PRR16: variants seen among roughly 807,000 people sequenced by gnomAD.
The protein encoded by PRR16 is protein Largen.
In PRR16, 6 loss-of-function variants were observed where a neutral mutation model predicts 18.2. The observed-to-expected ratio is 0.33, with a 90% confidence interval of 0.18 to 0.65. The LOEUF (loss-of-function observed/expected upper bound fraction) is 0.65. PRR16 is among the 30% of genes least tolerant of loss of function. The probability of loss-of-function intolerance (pLI) is 0.74; values close to 1 mark genes in which losing one functional copy is unlikely to be tolerated. For missense variants in PRR16, 412 were observed against 376.6 expected (o/e 1.09, Z -0.78); for synonymous variants, 151 against 147.8 (o/e 1.02, Z -0.16).
chr5:120,679,021 T>C (rs1168462476), intron 1 of PRR16, among the ~76,000 whole-genome samples: 1 of 152,188 alleles, frequency 6.6e-6, no homozygotes, highest in African/African-American at 2.4e-5. Context: ...TATTGAAATA[T>C]TGAAAATATT....
the PRR16 span, among the ~76,000 whole-genome samples, chr5:120,709,990 C>T: frequency 6.6e-6 from 1 of 152,002 alleles, no homozygotes; most frequent in Admixed American, 6.6e-5. Flanking sequence ...GATATATAAC[C>T]ACCAGTGAGA....
the PRR16 span, among the ~76,000 whole-genome samples, chr5:120,730,217 T>C: frequency 2.6e-5 from 4 of 152,162 alleles, no homozygotes; most frequent in Admixed American, 6.6e-5. Flanking sequence ...TTTTATACTT[T>C]AGATATTTAA....
chr5:120,488,787 G>A (rs1429231444), intron 1 of PRR16, among the ~76,000 whole-genome samples: 2 of 151,964 alleles, frequency 1.3e-5, no homozygotes, highest in African/African-American at 4.8e-5. Context: ...TGTGCATTTA[G>A]TGCTATAAAT....
the PRR16 span, among the ~76,000 whole-genome samples, chr5:120,704,594 A>G: frequency 6.6e-6 from 1 of 152,176 alleles, no homozygotes; most frequent in East Asian, 1.9e-4. Context: ...TTTCCGTTAT[A>G]TACCAATATG....
chr5:120,503,015 C>A (rs1750517192), intron 1 of PRR16, among the ~76,000 whole-genome samples: 4 of 151,988 alleles, frequency 2.6e-5, no homozygotes. Flanking sequence ...CCATGTTATG[C>A]ATTGAAACAT....
chr5:120,767,819 C>T, the PRR16 span, among the ~76,000 whole-genome samples: 1 of 151,640 alleles, frequency 6.6e-6, no homozygotes, highest in Non-Finnish European at 1.5e-5. Context: ...ATATCTCATC[C>T]CAATTCCAAT....
chr5:120,516,122 C>A (rs1215721183), intron 1 of PRR16, among the ~76,000 whole-genome samples: 2 of 152,040 alleles, frequency 1.3e-5, no homozygotes, highest in Admixed American at 1.3e-4. Flanking sequence ...CCAAACCAAA[C>A]CAAACCAAAC....
the PRR16 span, among the ~76,000 whole-genome samples, chr5:120,743,389 A>C: frequency 6.6e-6 from 1 of 152,058 alleles, no homozygotes; most frequent in African/African-American, 2.4e-5. Context: ...GATTAAAAAA[A>C]AATGTTTGAA....
chr5:120,703,254 A>G, the PRR16 span, among the ~76,000 whole-genome samples: 8,845 of 152,154 alleles, frequency 0.058, 321 homozygotes, highest in South Asian at 0.087. Flanking sequence ...GGCAAGGACT[A>G]GCCATTTACA....
intron 1 of PRR16, among the ~76,000 whole-genome samples, chr5:120,664,811 A>T (rs1440401211): frequency 7.0e-6 from 1 of 141,964 alleles, no homozygotes. Context: ...GCTGCATAGT[A>T]TTCCGTGGTG....
rs532163248 is a variant in PRR16, at chr5:120,526,474, C to A, written c.159+61829C>A. 2.2e-4 allele frequency among the ~76,000 whole-genome samples: 34 copies of A among 152,200 alleles called. 1 individual carries two copies. In the South Asian group the frequency reaches 6.8e-3, roughly 31 times the overall value. On this transcript the variant is annotated intron_variant, in intron 1 of 1. Coordinates refer to ENST00000407149, the MANE Select transcript of PRR16 (RefSeq NM_001300783.2). Reference sequence around the variant, plus strand: ...ATATTTTCCCCTCAGGCAACAAATCCTGGCAATAACATGAATTATTGCCGT... The same window carrying A: ...ATATTTTCCCCTCAGGCAACAAATCATGGCAATAACATGAATTATTGCCGT...
At chr5:120,721,239 C>T in the PRR16 span, among the ~76,000 whole-genome samples, 1 of 152,060 alleles carries the variant, frequency 6.6e-6, no homozygotes, top group African/African-American at 2.4e-5. Flanking sequence ...AACAGAGATT[C>T]CTGCTCTTGT....
intron 1 of PRR16, among the ~76,000 whole-genome samples, chr5:120,594,526 A>G (rs905119828): frequency 5.9e-5 from 9 of 152,182 alleles, no homozygotes; most frequent in Non-Finnish European, 1.3e-4. Context: ...AAATGGCCAT[A>G]CTGCCCAAAG....
chr5:120,467,286 C>T (rs11948068), intron 1 of PRR16, among the ~76,000 whole-genome samples: 511 of 152,082 alleles, frequency 3.4e-3, no homozygotes, highest in Non-Finnish European at 6.1e-3. Context: ...TGCTTTTAGA[C>T]CATAATATAT....
At chr5:120,719,597 G>A in the PRR16 span, among the ~76,000 whole-genome samples, 1 of 152,028 alleles carries the variant, frequency 6.6e-6, no homozygotes, top group African/African-American at 2.4e-5. Context: ...GATGATTTGT[G>A]ACATATTGCA....
the PRR16 span, among the ~76,000 whole-genome samples, chr5:120,704,657 T>A: frequency 6.6e-6 from 1 of 152,148 alleles, no homozygotes; most frequent in Non-Finnish European, 1.5e-5. Context: ...CACACCCTGA[T>A]CCCCAACCTG....
At chr5:120,505,946 GTA>G (rs10635515) in intron 1 of PRR16, among the ~76,000 whole-genome samples, 21,613 of 140,982 alleles carry the variant, frequency 0.15, 1,590 homozygotes, top group Non-Finnish European at 0.17. Context: ...GTGTGTGTGT[GTA>G]TATATATATA....
the PRR16 span, among the ~76,000 whole-genome samples, chr5:120,708,532 A>G: frequency 1.5e-3 from 226 of 152,342 alleles, no homozygotes; most frequent in African/African-American, 4.7e-3. Flanking sequence ...TGAATGTTCC[A>G]GTAAACCTCA....
At chr5:120,744,751 C>A in the PRR16 span, among the ~76,000 whole-genome samples, 5 of 152,156 alleles carry the variant, frequency 3.3e-5, no homozygotes, top group Non-Finnish European at 5.9e-5. Context: ...TAAATACTTT[C>A]TTTTCCCTTA....
Sources: gnomAD v4.1 joint callset for allele counts (sites outside exome capture counted in the v4.1 genomes callset) on GRCh38, gnomAD v4.1.1 for gene constraint, MANE v1.5 for transcripts, NCBI Gene and HGNC (gene_info 2026-07-23, HGNC 2026-07-21) for gene names.